Variants in IL1RAPL1 observed in about 807,000 individuals in gnomAD.
IL1RAPL1 encodes interleukin 1 receptor accessory protein like 1.
In IL1RAPL1, 3 loss-of-function variants were observed where a neutral mutation model predicts 48.4. The ratio of observed to expected loss-of-function variants is 0.06; its 90% CI spans 0.03 to 0.16. The LOEUF (loss-of-function observed/expected upper bound fraction) is 0.16. IL1RAPL1 is among the 10% of genes least tolerant of loss of function. The pLI, the probability that IL1RAPL1 is intolerant of heterozygous loss-of-function variation, is 1.00. For synonymous variants in IL1RAPL1, 185 were observed against 187.7 expected, an observed-to-expected ratio of 0.99 and a Z score of 0.12; for missense variants, 349 against 530.6, an observed-to-expected ratio of 0.66 and a Z score of 3.36.
intron 1 of IL1RAPL1, among the ~76,000 whole-genome samples, chrX:28,690,114 TG>T (rs1182956263): frequency 9.1e-6 from 1 of 110,053 alleles, no homozygotes; most frequent in African/African-American, 3.3e-5. Flanking sequence ...GCAGAGGGGG[TG>T]GGGGTAGTGG....
intron 6 of IL1RAPL1, among the ~76,000 whole-genome samples, chrX:29,821,775 A>T (rs1465663071): frequency 2.7e-5 from 3 of 112,608 alleles, no homozygotes; most frequent in Non-Finnish European, 5.6e-5. Flanking sequence ...AAAGACATTG[A>T]TTTCCAAACT....
intron 2 of IL1RAPL1, among the ~76,000 whole-genome samples, chrX:28,865,088 A>T (rs751798527): frequency 8.1e-4 from 90 of 111,653 alleles, no homozygotes; most frequent in Non-Finnish European, 1.4e-3. Flanking sequence ...CGTCAGGTAG[A>T]TTCTGGTGTC....
intron 5 of IL1RAPL1, among the ~76,000 whole-genome samples, chrX:29,516,615 T>C (rs1443481134): frequency 3.6e-5 from 4 of 111,800 alleles, no homozygotes; most frequent in South Asian, 3.7e-4. Context: ...TATTTATTAA[T>C]TTCCATTGCT....
intron 2 of IL1RAPL1, among the ~76,000 whole-genome samples, chrX:29,083,169 A>C (rs1407314009): frequency 8.9e-6 from 1 of 111,951 alleles, no homozygotes; most frequent in Admixed American, 9.5e-5. Context: ...AGATCATTTG[A>C]GAATGATGCA....
intron 2 of IL1RAPL1, among the ~76,000 whole-genome samples, chrX:29,026,165 C>G (rs1328000906): frequency 3.6e-5 from 4 of 111,731 alleles, no homozygotes; most frequent in African/African-American, 1.3e-4. Flanking sequence ...TTTACATCCT[C>G]TCTCGTGTTT....
intron 6 of IL1RAPL1, among the ~76,000 whole-genome samples, chrX:29,690,623 G>T (rs981882940): frequency 9.0e-6 from 1 of 111,683 alleles, no homozygotes; most frequent in African/African-American, 3.2e-5. Context: ...TATATTTACT[G>T]TTGTATCCTG....
At chrX:29,866,051 T>G (rs1330079409) in intron 6 of IL1RAPL1, among the ~76,000 whole-genome samples, 2 of 111,488 alleles carry the variant, frequency 1.8e-5, no homozygotes, top group East Asian at 5.6e-4. Flanking sequence ...ATGCCATTTT[T>G]AGCCAGAATT....
chrX:29,599,260 T>C (rs1268497090), intron 5 of IL1RAPL1, among the ~76,000 whole-genome samples: 1 of 112,290 alleles, frequency 8.9e-6, no homozygotes, highest in African/African-American at 3.2e-5. Flanking sequence ...GAAAACACTA[T>C]CTTTCCTTCA....
At position 29,613,863 on chromosome X, in the gene IL1RAPL1, G is replaced by A. The variant is rs373253448; in HGVS notation, c.704-54567G>A. On this transcript the variant is annotated intron_variant, in intron 5 of 10. Transcript: ENST00000378993. ...ACTGCAAGCTCCACCTCCTGGGTTC[G>A]CACCATTCTCCTGCCTCAGCCTCCC... Among the ~76,000 whole-genome samples the A allele has an allele frequency of 2.2e-3, 228 of 103,314 alleles. 8 individuals carry two copies. The East Asian group carries it at 0.05, about 23-fold the overall frequency. 89.7% of individuals were successfully genotyped at this position (103,314 alleles called of 115,157 possible). A position where few individuals can be genotyped will look rare whatever the true frequency, so the allele number is the denominator to read the frequency against.
At chrX:28,691,715 T>G (rs1935180582) in intron 1 of IL1RAPL1, among the ~76,000 whole-genome samples, 1 of 111,594 alleles carries the variant, frequency 9.0e-6, no homozygotes, top group Non-Finnish European at 1.9e-5. Flanking sequence ...CTCCCTTCTT[T>G]CCTTCCTTTT....
At chrX:29,644,367 G>A (rs1055195980) in intron 5 of IL1RAPL1, among the ~76,000 whole-genome samples, 1 of 111,826 alleles carries the variant, frequency 8.9e-6, no homozygotes, top group Non-Finnish European at 1.9e-5. Context: ...TGGACCAGAA[G>A]TCTTGGTCCT....
At chrX:28,765,215 A>C (rs1457841213) in intron 1 of IL1RAPL1, among the ~76,000 whole-genome samples, 1 of 110,164 alleles carries the variant, frequency 9.1e-6, no homozygotes, top group African/African-American at 3.3e-5. Flanking sequence ...TGATGAGTTA[A>C]TGGGTGCAGC....
intron 6 of IL1RAPL1, among the ~76,000 whole-genome samples, chrX:29,824,541 A>T (rs1423671163): frequency 1.8e-5 from 2 of 112,127 alleles, no homozygotes; most frequent in East Asian, 5.6e-4. Flanking sequence ...CTTGAGTTCC[A>T]ATCCAATTCG....
At chrX:28,961,211 C>G (rs776740347) in intron 2 of IL1RAPL1, among the ~76,000 whole-genome samples, 2 of 110,503 alleles carry the variant, frequency 1.8e-5, no homozygotes, top group African/African-American at 6.6e-5. Context: ...ACTGTTGTTG[C>G]TCTGATAGGG....
At chrX:28,808,175 C>T (rs1936753023) in intron 2 of IL1RAPL1, among the ~76,000 whole-genome samples, 1 of 111,315 alleles carries the variant, frequency 9.0e-6, no homozygotes, top group Non-Finnish European at 1.9e-5. Flanking sequence ...TGGCTTAACT[C>T]AGACACGTTT....
intron 5 of IL1RAPL1, among the ~76,000 whole-genome samples, chrX:29,636,895 G>C (rs1028688998): frequency 1.8e-5 from 2 of 109,656 alleles, no homozygotes; most frequent in African/African-American, 6.6e-5. Context: ...AAAATTAGCC[G>C]GTGGTACAAA....
intron 1 of IL1RAPL1, among the ~76,000 whole-genome samples, chrX:28,703,308 C>G (rs1170731851): frequency 9.0e-6 from 1 of 111,566 alleles, no homozygotes; most frequent in African/African-American, 3.3e-5. Flanking sequence ...GGTTAATCCA[C>G]TGCCTCACAT....
At chrX:28,799,263 T>G (rs1327518408) in intron 2 of IL1RAPL1, among the ~76,000 whole-genome samples, 1 of 112,399 alleles carries the variant, frequency 8.9e-6, no homozygotes, top group East Asian at 2.8e-4. Context: ...TAGTAAGGTC[T>G]TTGTGACTAA....
intron 3 of IL1RAPL1, among the ~76,000 whole-genome samples, chrX:29,387,779 G>A (rs1296098990): frequency 9.0e-6 from 1 of 110,997 alleles, no homozygotes; most frequent in East Asian, 2.8e-4. Flanking sequence ...GATCATTTGA[G>A]GTCAGGAGTT....
Sources: gnomAD v4.1 joint callset for allele counts (sites outside exome capture counted in the v4.1 genomes callset) on GRCh38, gnomAD v4.1.1 for gene constraint, MANE v1.5 for transcripts, NCBI Gene and HGNC (gene_info 2026-07-23, HGNC 2026-07-21) for gene names.